The following PHLDB1 variants were observed in gnomAD, a reference collection of about 807,000 sequenced individuals.
The protein encoded by PHLDB1 is pleckstrin homology like domain family B member 1, also known as pleckstrin homology-like domain family B member 1.
In PHLDB1, 65 loss-of-function variants were observed where a neutral mutation model predicts 139.3. That is an observed-to-expected ratio of 0.47 (90% confidence interval 0.38 to 0.57). PHLDB1 has a LOEUF of 0.57. Ranked by LOEUF, PHLDB1 falls within the 20% of genes least tolerant of loss-of-function variation. The probability of loss-of-function intolerance (pLI) is 0.00; values close to 1 mark genes in which losing one functional copy is unlikely to be tolerated. For synonymous variants in PHLDB1, 679 were observed against 734.5 expected, an observed-to-expected ratio of 0.92 and a Z score of 1.22; for missense variants, 1,624 against 1,839.7, an observed-to-expected ratio of 0.88 and a Z score of 2.14.
Position 118,644,080 on chromosome 11 carries a change from A to G in PHLDB1, c.3027A>G (p.Leu1009=). ...LGRSPSPKSA[L]LTQNGTGSLP... The stretch of plus-strand genomic sequence containing the variant: ...TCTCCATTCCTCTGCAGAGCGCTCT[A>G]CTCACCCAGAATGGCACGGGCAGCC... The change falls in exon 15 of 23, where the codon CTA becomes CTG. Residue 1009 remains leucine (L), a synonymous_variant. Transcript: ENST00000600882. The G allele has an allele frequency of 1.2e-6, 2 of 1,613,662 alleles. No homozygotes were observed. Among genetic ancestry groups the G allele is most frequent in the Non-Finnish European group, 1.7e-6 (2 of 1,179,786 alleles).
intron 12 of PHLDB1, chr11:118,641,617 G>C: frequency 1.6e-6 from 2 of 1,279,616 alleles, no homozygotes; most frequent in Non-Finnish European, 2.0e-6. Context: ...CTCCAAGTAC[G>C]TGATGCTTGA....
At position 118,608,553 on chromosome 11, in the gene PHLDB1, A is replaced by T. The variant is rs1401745096; in HGVS notation, c.-22+854A>T. The stretch of plus-strand genomic sequence containing the variant: ...GACCGCACAGCCCTGCCGGGGACCC[A>T]CGGCTCTGGGGCGGGGCTGCATTCT... On this transcript the variant is annotated intron_variant, in intron 1 of 22. Coordinates refer to ENST00000600882, the MANE Select transcript of PHLDB1 (RefSeq NM_001144758.3). This position sits in a 1 kb window ranked among gnomAD's most constrained non-coding sequence, Gnocchi z 6.7. Among the ~76,000 whole-genome samples the T allele has an allele frequency of 1.3e-5, 2 of 152,068 alleles. No homozygotes were observed. The highest frequency in any genetic ancestry group is 2.9e-5 in the Non-Finnish European group (2 of 67,982).
chr11:118,628,865 C>T (rs1272299094), intron 6 of PHLDB1, among the ~76,000 whole-genome samples: 1 of 152,246 alleles, frequency 6.6e-6, no homozygotes, highest in Admixed American at 6.5e-5. Flanking sequence ...ATTTTAAATT[C>T]TTGCTAATTT....
rs532668298 is a variant in PHLDB1 at position 118,639,174 on chromosome 11, C to G, written c.2659C>G (p.Leu887Val). The G allele has an allele frequency of 3.0e-5, 49 of 1,614,080 alleles. No homozygotes were observed. The South Asian group carries it at 4.9e-4, about 16-fold the overall frequency. Residue 887 changes from leucine to valine, a missense_variant, in exon 12 of 23, where the codon CTG (leucine) becomes GTG (valine). Transcript: ENST00000600882. The stretch of plus-strand genomic sequence containing the variant: ...TCTGGGCTCGCAGGAGAAGGAGAAG[C>G]TGACTGTGCTGGAAAGGAGATACCA... Reference protein sequence around the residue: ...LQLLQKEKEKLTVLERRYHSL... With the variant: ...LQLLQKEKEKVTVLERRYHSL...
intron 1 of PHLDB1, among the ~76,000 whole-genome samples, chr11:118,612,236 T>C (rs1351572577): frequency 6.6e-6 from 1 of 152,176 alleles, no homozygotes; most frequent in Non-Finnish European, 1.5e-5. Flanking sequence ...AGCTAATAAA[T>C]AAATAAAGTC....
intron 9 of PHLDB1, chr11:118,633,715 A>G (rs546338739): frequency 1.3e-5 from 2 of 152,346 alleles, no homozygotes; most frequent in South Asian, 2.1e-4. Context: ...GGTATTTTAA[A>G]GGCTGAGTCC....
Position 118,645,893 on chromosome 11 carries a change from GCCTGTGCTCCAC to G in PHLDB1, c.3507+71_3507+82del. On this transcript the variant is annotated intron_variant, in intron 17 of 22. Coordinates refer to ENST00000600882, the MANE Select transcript of PHLDB1 (RefSeq NM_001144758.3). This position sits in a 1 kb window ranked among gnomAD's most constrained non-coding sequence, Gnocchi z 5.1. ...CAGAGCTACCTACTGCATGTCAAGGGCCTGTGCTCCACCCCAAGCCCTTCCACCCACATTAGC... is the reference window on the plus strand; with the variant it reads ...CAGAGCTACCTACTGCATGTCAAGGGCCCAAGCCCTTCCACCCACATTAGC... The G allele has an allele frequency of 2.0e-6, 2 of 983,482 alleles. No homozygotes were observed. Among genetic ancestry groups the G allele is most frequent in the South Asian group, 2.5e-5 (2 of 78,452 alleles). The allele number at this position is 983,482 out of a possible 1,614,324, so 60.9% of individuals were successfully genotyped here.
intron 6 of PHLDB1, among the ~76,000 whole-genome samples, chr11:118,630,241 C>G (rs1349107810): frequency 6.6e-6 from 1 of 152,042 alleles, no homozygotes; most frequent in South Asian, 2.1e-4. Context: ...GGTAGGCCTG[C>G]GGGAAAAGGC....
upstream of PHLDB1, among the ~76,000 whole-genome samples, chr11:118,607,372 GTGGTGGTGGTGGTGA>G (rs1212835922): frequency 2.9e-5 from 4 of 137,324 alleles, no homozygotes; most frequent in Non-Finnish European, 4.7e-5. Flanking sequence ...GGTGGTGGTG[GTGGTGGTGGTGGTGA>G]TGGTGGAGAG....
intron 6 of PHLDB1, chr11:118,630,009 G>A: frequency 1.5e-5 from 19 of 1,286,060 alleles, no homozygotes; most frequent in Non-Finnish European, 1.7e-5. Flanking sequence ...AGCCTCCCAG[G>A]TGCCGAGGCT....
chr11:118,610,419 T>C lies in PHLDB1; in HGVS notation c.-22+2720T>C, dbSNP rs969114501. On this transcript the variant is annotated intron_variant, in intron 1 of 22. Coordinates refer to ENST00000600882, the MANE Select transcript of PHLDB1 (RefSeq NM_001144758.3). The surrounding 1 kb of genome is among the most constrained non-coding windows in gnomAD (Gnocchi z 8.7). The stretch of plus-strand genomic sequence containing the variant: ...CCTTTCTCGAGGGCGGATGTGCGCC[T>C]GGAGGGCGAAGGCGGCGGCCGAGAG... 26 of 982,810 alleles carry C rather than the reference T, an allele frequency of 2.6e-5. No individual in the cohort carries two copies. The African/African-American group carries it at 4.2e-4, about 16-fold the overall frequency. The allele number at this position is 982,810 out of a possible 1,614,324, so 60.9% of individuals were successfully genotyped here.
In PHLDB1 at chr11:118,628,209, A is replaced by G. The variant is rs1555105474; in HGVS notation, c.1386A>G (p.Pro462=). 1.9e-6 allele frequency: 3 copies of G among 1,613,750 alleles called. No homozygotes were observed. The highest frequency in any genetic ancestry group is 3.3e-4 in the Middle Eastern group (2 of 6,084). The change falls in exon 6 of 23, where the codon CCA becomes CCG. Residue 462 remains proline (P), a synonymous_variant. Transcript: ENST00000600882. ...TGCGAGAACTACCCCCCTTAAGTCC[A>G]TCTCTGTCCCGGCGAGCTCTCTCCC... ...DSMRELPPLS[P]SLSRRALSPL...
rs902006463 is a variant in PHLDB1 at position 118,624,856 on chromosome 11, C to T, written c.356-78C>T. The T allele has an allele frequency of 2.2e-5, 32 of 1,482,790 alleles. No homozygotes were observed. In the East Asian group the frequency reaches 4.8e-4, roughly 22 times the overall value. 91.9% of individuals were successfully genotyped at this position (1,482,790 alleles called of 1,614,324 possible). A position where few individuals can be genotyped will look rare whatever the true frequency, so the allele number is the denominator to read the frequency against. On this transcript the variant is annotated intron_variant, in intron 4 of 22. Coordinates refer to ENST00000600882, the MANE Select transcript of PHLDB1 (RefSeq NM_001144758.3). Reference sequence around the variant, plus strand: ...AACTCCCGACCTCAGGTGATCCACCCTCCTCCGCCTCCAAAAGTGTTGGGA... The same window carrying T: ...AACTCCCGACCTCAGGTGATCCACCTTCCTCCGCCTCCAAAAGTGTTGGGA...
rs782490918 is a variant in PHLDB1 at position 118,632,193 on chromosome 11, G to A, written c.2276G>A (p.Arg759Lys). Residue 759 changes from arginine to lysine, a missense_variant, in exon 9 of 23, where the codon AGG (arginine) becomes AAG (lysine). Coordinates refer to ENST00000600882, the MANE Select transcript of PHLDB1 (RefSeq NM_001144758.3). This position sits in a 1 kb window ranked among gnomAD's most constrained non-coding sequence, Gnocchi z 5.9. ...GAGCGGGCACTGCTGCAGGGAGAGA[G>A]GGAGGCAGAGCGGGCACTGCTGCAG... ...EMERALLQGE[R>K]EAERALLQKE... 24 of 1,614,050 alleles carry A rather than the reference G, an allele frequency of 1.5e-5. No individual in the cohort carries two copies. The highest frequency in any genetic ancestry group is 1.9e-5 in the Non-Finnish European group (22 of 1,179,954).
chr11:118,628,028 C>T lies in PHLDB1; in HGVS notation c.1205C>T (p.Pro402Leu), dbSNP rs782698526. Residue 402 changes from proline (P) to leucine (L), a missense_variant, in exon 6 of 23, where the codon CCT (proline) becomes CTT (leucine). Coordinates refer to ENST00000600882, the MANE Select transcript of PHLDB1 (RefSeq NM_001144758.3). Reference sequence around the variant, plus strand: ...AAGATTGGCACACTCCAGGACCGCCCTCCCAGCCCTTTCCGTGAGCCTCCA... The same window carrying T: ...AAGATTGGCACACTCCAGGACCGCCTTCCCAGCCCTTTCCGTGAGCCTCCA... Reference protein sequence around the residue: ...RNKIGTLQDRPPSPFREPPGS... With the variant: ...RNKIGTLQDRLPSPFREPPGS... The T allele has an allele frequency of 6.2e-7, 1 of 1,614,032 alleles. No individual in the cohort carries two copies. Among genetic ancestry groups the T allele is most frequent in the Non-Finnish European group, 8.5e-7 (1 of 1,180,046 alleles).
chr11:118,614,678 G>A lies in PHLDB1; in HGVS notation c.180G>A (p.Glu60=), dbSNP rs1941223551. Residue 60 remains glutamate (E), a synonymous_variant, in exon 3 of 23, where the codon GAG becomes GAA. Coordinates refer to ENST00000600882, the MANE Select transcript of PHLDB1 (RefSeq NM_001144758.3). ...CAGCCATCACCCTCCTGCCGCTGGA[G>A]GAAGGTAAGTGTGAACAGGGCATCT... ...LSTAITLLPL[E]EGRTVIGSAA... 6.8e-6 allele frequency: 11 copies of A among 1,613,636 alleles called. No individual in the cohort carries two copies. The Admixed American group carries it at 8.3e-5, about 12-fold the overall frequency.
chr11:118,614,801 C>T, intron 3 of PHLDB1, 119 bp downstream of exon 3: 1 of 971,318 alleles, frequency 1.0e-6, no homozygotes, highest in South Asian at 1.6e-5. Flanking sequence ...GCTCGCCTCC[C>T]CACACCACCA....
chr11:118,656,567 C>A, intron 22 of PHLDB1, 116 bp from the exon 23 acceptor site: 2 of 989,184 alleles, frequency 2.0e-6, no homozygotes, highest in Non-Finnish European at 3.1e-6. Context: ...CTATTTAGGA[C>A]TAAGCTCCAG....
At position 118,614,579 on chromosome 11, in the gene PHLDB1, C is replaced by T. The variant is rs181810165; in HGVS notation, c.81C>T (p.Ile27=). The change falls in exon 3 of 23, where the codon ATC becomes ATT. Residue 27 remains isoleucine, a synonymous_variant. Coordinates refer to ENST00000600882, the MANE Select transcript of PHLDB1 (RefSeq NM_001144758.3). ...TMVQKGPLDL[I]ETGKGLKVQT... is the part of the protein sequence containing the mutation. ...TACAGAAAGGACCCTTGGACCTGAT[C>T]GAGACAGGCAAAGGGCTGAAAGTGC... 4.7e-5 allele frequency: 76 copies of T among 1,613,898 alleles called. No homozygotes were observed. In the East Asian group the frequency reaches 1.2e-3, roughly 26 times the overall value.
Sources: allele counts gnomAD v4.1 joint callset (sites outside exome capture counted in the v4.1 genomes callset), GRCh38; gene constraint gnomAD v4.1.1; non-coding constraint Gnocchi (gnomAD v3.1); transcripts MANE v1.5; gene names NCBI Gene and HGNC (gene_info 2026-07-23, HGNC 2026-07-21).